FAM13A: variants seen among roughly 807,000 people sequenced by gnomAD.
The protein encoded by FAM13A is protein FAM13A.
A neutral mutation model predicts 129.6 loss-of-function variants in FAM13A; 76 were observed. The observed-to-expected ratio is 0.59, with a 90% confidence interval of 0.49 to 0.71. FAM13A has a LOEUF of 0.71. Ranked by LOEUF, FAM13A falls within the 30% of genes least tolerant of loss-of-function variation. The probability of loss-of-function intolerance (pLI) is 0.00; values close to 1 mark genes in which losing one functional copy is unlikely to be tolerated. For synonymous variants in FAM13A, 443 were observed against 449.9 expected (o/e 0.98, Z 0.20); for missense variants, 1,108 against 1,249.3 (o/e 0.89, Z 1.70).
chr4:88,827,957 C>A (rs1490666599), intron 7 of FAM13A, among the ~76,000 whole-genome samples: 1 of 152,154 alleles, frequency 6.6e-6, no homozygotes, highest in African/African-American at 2.4e-5. Context: ...GTTGCTTAAA[C>A]CTCCCCTGAG....
At chr4:88,750,933 A>G (rs1742463184) in intron 14 of FAM13A, among the ~76,000 whole-genome samples, 1 of 152,186 alleles carries the variant, frequency 6.6e-6, no homozygotes, top group Non-Finnish European at 1.5e-5. Flanking sequence ...TCAATTAGTG[A>G]TAAAAACTCT....
At chr4:88,917,380 AC>A (rs1418580620) in intron 5 of FAM13A, among the ~76,000 whole-genome samples, 1 of 151,798 alleles carries the variant, frequency 6.6e-6, no homozygotes, top group Non-Finnish European at 1.5e-5. Context: ...CGAGGAATCC[AC>A]CCCCATGACC....
At chr4:88,933,862 T>C (rs915824199) in intron 5 of FAM13A, among the ~76,000 whole-genome samples, 1 of 152,212 alleles carries the variant, frequency 6.6e-6, no homozygotes, top group African/African-American at 2.4e-5. Flanking sequence ...TTCTGCTTAA[T>C]ACTGACTAAT....
At chr4:88,826,312 T>TAAAAA in intron 7 of FAM13A, among the ~76,000 whole-genome samples, 1 of 138,932 alleles carries the variant, frequency 7.2e-6, no homozygotes, top group Non-Finnish European at 1.6e-5. Context: ...CACGTAGGAT[T>TAAAAA]AAAAAAAAAA....
intron 6 of FAM13A, among the ~76,000 whole-genome samples, chr4:88,858,349 G>A (rs751094790): frequency 3.9e-5 from 6 of 152,140 alleles, no homozygotes; most frequent in Admixed American, 6.5e-5. Context: ...AAAAGTAATC[G>A]TTTATACTGA....
At chr4:88,848,556 T>C (rs1446005742) in intron 7 of FAM13A, among the ~76,000 whole-genome samples, 3 of 152,202 alleles carry the variant, frequency 2.0e-5, no homozygotes, top group African/African-American at 7.2e-5. Flanking sequence ...CAAAGACTCA[T>C]CCACACCTGC....
chr4:88,986,419 C>G (rs1762252066), intron 4 of FAM13A, among the ~76,000 whole-genome samples: 1 of 152,214 alleles, frequency 6.6e-6, no homozygotes, highest in African/African-American at 2.4e-5. Context: ...CAGGCATGAG[C>G]CACCGCGCCC....
intron 20 of FAM13A, among the ~76,000 whole-genome samples, chr4:88,738,506 G>C (rs1160911910): frequency 6.6e-6 from 1 of 152,050 alleles, no homozygotes; most frequent in Admixed American, 6.5e-5. Context: ...AAGGATGGTG[G>C]CCACTGACAG....
At chr4:88,837,445 G>A (rs1483143872) in intron 7 of FAM13A, among the ~76,000 whole-genome samples, 2 of 151,314 alleles carry the variant, frequency 1.3e-5, no homozygotes, top group Non-Finnish European at 2.9e-5. Context: ...GCCGGGCACG[G>A]TGGCTCACGC....
chr4:88,795,090 A>G (rs977432035), intron 8 of FAM13A, among the ~76,000 whole-genome samples: 1 of 151,754 alleles, frequency 6.6e-6, no homozygotes, highest in Admixed American at 6.6e-5. Flanking sequence ...TTAGTGGAAC[A>G]TTTGTTGGTA....
At chr4:88,908,046 C>T (rs1473643589) in intron 5 of FAM13A, among the ~76,000 whole-genome samples, 1 of 152,248 alleles carries the variant, frequency 6.6e-6, no homozygotes, top group African/African-American at 2.4e-5. Flanking sequence ...CTCTTCTAAG[C>T]TGGGGAGTAG....
At chr4:88,758,720 G>T in intron 14 of FAM13A, 34 bp downstream of exon 14, 2 of 1,594,520 alleles carry the variant, frequency 1.3e-6, no homozygotes, top group Non-Finnish European at 1.7e-6. Flanking sequence ...ATGCTTTAAT[G>T]ATAGCAAATC....
intron 6 of FAM13A, chr4:88,855,423 C>T (rs565786572): frequency 3.3e-4 from 50 of 151,930 alleles, no homozygotes; most frequent in Non-Finnish European, 5.3e-4. Flanking sequence ...TACTATCATA[C>T]GTAAATTATG....
At chr4:88,767,935 C>A (rs746191543) in intron 12 of FAM13A, 48 bp downstream of exon 12, 11 of 1,147,664 alleles carry the variant, frequency 9.6e-6, no homozygotes, top group South Asian at 6.2e-5. Context: ...ATGAAAATAA[C>A]CTTTTCCTGC....
At chr4:88,840,401 AAT>A (rs1287692035) in intron 7 of FAM13A, among the ~76,000 whole-genome samples, 1 of 152,218 alleles carries the variant, frequency 6.6e-6, no homozygotes, top group East Asian at 1.9e-4. Flanking sequence ...GGATTACAAA[AAT>A]GTTGAGAGTT....
At chr4:88,995,574 C>T (rs1271886391) in intron 3 of FAM13A, among the ~76,000 whole-genome samples, 1 of 152,170 alleles carries the variant, frequency 6.6e-6, no homozygotes, top group Admixed American at 6.5e-5. Context: ...ACCAGACCCA[C>T]TCTTGGACCC....
intron 3 of FAM13A, among the ~76,000 whole-genome samples, chr4:89,007,706 T>G (rs1765236785): frequency 6.6e-6 from 1 of 152,222 alleles, no homozygotes. Flanking sequence ...GCCATACTAA[T>G]GCAGAGAGCA....
chr4:88,996,221 T>C (rs1464597248), intron 3 of FAM13A, among the ~76,000 whole-genome samples: 1 of 152,188 alleles, frequency 6.6e-6, no homozygotes, highest in African/African-American at 2.4e-5. Context: ...CTATGGTCTT[T>C]TCTTGTTTTG....
At chr4:88,968,389 G>C (rs1759620459) in intron 4 of FAM13A, among the ~76,000 whole-genome samples, 1 of 152,098 alleles carries the variant, frequency 6.6e-6, no homozygotes. Context: ...AACATAGCAA[G>C]TACAAAAATA....
Sources: allele counts gnomAD v4.1 joint callset (sites outside exome capture counted in the v4.1 genomes callset), GRCh38; gene constraint gnomAD v4.1.1; transcripts MANE v1.5; gene names NCBI Gene and HGNC (gene_info 2026-07-23, HGNC 2026-07-21).